ASIC2: variants seen among roughly 807,000 people sequenced by gnomAD.
ASIC2 encodes the protein acid-sensing ion channel 2.
A neutral mutation model predicts 57.3 loss-of-function variants in ASIC2; 25 were observed. The observed-to-expected ratio is 0.44, with a 90% CI of 0.32 to 0.61. ASIC2 has a LOEUF of 0.61. Ranked by LOEUF, ASIC2 falls within the 20% of genes least tolerant of loss-of-function variation. ASIC2 has a pLI of 0.06. For synonymous variants in ASIC2, 319 were observed against 307.5 expected (o/e 1.04, Z -0.39); for missense variants, 641 against 738.1 (o/e 0.87, Z 1.52).
chr17:33,326,768 C>T (rs1018900310), intron 1 of ASIC2, among the ~76,000 whole-genome samples: 1 of 152,212 alleles, frequency 6.6e-6, no homozygotes, highest in African/African-American at 2.4e-5. Context: ...TGTCTCACTG[C>T]CTTGTCCCCA....
intron 1 of ASIC2, among the ~76,000 whole-genome samples, chr17:33,489,687 C>T (rs1913690150): frequency 6.6e-6 from 1 of 152,226 alleles, no homozygotes; most frequent in South Asian, 2.1e-4. Flanking sequence ...TTTGCTCTAC[C>T]TGTTCACAAA....
intron 1 of ASIC2, among the ~76,000 whole-genome samples, chr17:33,410,150 C>T (rs1051677410): frequency 8.5e-5 from 13 of 152,072 alleles, no homozygotes; most frequent in East Asian, 7.7e-4. Context: ...AGGCTCTAAT[C>T]GCTGACTCTT....
intron 1 of ASIC2, among the ~76,000 whole-genome samples, chr17:33,132,549 G>A (rs2092351169): frequency 1.3e-5 from 2 of 152,164 alleles, no homozygotes. Context: ...ACCAAGCACA[G>A]AGCACACACA....
At chr17:33,716,474 A>G (rs1023194809) in intron 1 of ASIC2, among the ~76,000 whole-genome samples, 1 of 152,204 alleles carries the variant, frequency 6.6e-6, no homozygotes, top group Non-Finnish European at 1.5e-5. Context: ...CTAGGCACTG[A>G]GAGTTGGGCT....
intron 1 of ASIC2, among the ~76,000 whole-genome samples, chr17:34,026,447 G>A (rs920260433): frequency 1.3e-5 from 2 of 152,170 alleles, no homozygotes; most frequent in African/African-American, 4.8e-5. Flanking sequence ...CTCCCAAACC[G>A]ATGAGTTTCA....
At chr17:34,009,618 T>A (rs1353825602) in intron 1 of ASIC2, among the ~76,000 whole-genome samples, 1 of 152,218 alleles carries the variant, frequency 6.6e-6, no homozygotes, top group African/African-American at 2.4e-5. Flanking sequence ...AGGCTCACAT[T>A]ATATTTCTAT....
rs572938486 is a variant in ASIC2, at chr17:33,747,486, G to T, written c.555+408492C>A. 5.3e-5 allele frequency among the ~76,000 whole-genome samples: 8 copies of T among 152,236 alleles called. No individual in the cohort carries two copies. In the South Asian group the frequency reaches 1.7e-3, roughly 32 times the overall value. ...GATCTGCCTGCCTCGGCCTCTCAAAGTGCTGGGATGGCAGGCGTACTCCAT... is the reference window on the plus strand; with the variant it reads ...GATCTGCCTGCCTCGGCCTCTCAAATTGCTGGGATGGCAGGCGTACTCCAT... On this transcript the variant is annotated intron_variant, in intron 1 of 9. Coordinates refer to the ASIC2 transcript ENST00000359872.
intron 1 of ASIC2, among the ~76,000 whole-genome samples, chr17:33,320,171 A>G (rs1811697021): frequency 6.6e-6 from 1 of 152,208 alleles, no homozygotes; most frequent in African/African-American, 2.4e-5. Flanking sequence ...TAAAATCAGA[A>G]GCTGAACATC....
intron 1 of ASIC2, among the ~76,000 whole-genome samples, chr17:33,764,407 C>G (rs918717335): frequency 2.0e-5 from 3 of 151,662 alleles, no homozygotes; most frequent in Non-Finnish European, 2.9e-5. Context: ...GTGTGTTAGT[C>G]TATATTCTCC....
At chr17:33,717,017 G>T (rs1382943647) in intron 1 of ASIC2, among the ~76,000 whole-genome samples, 3 of 152,196 alleles carry the variant, frequency 2.0e-5, no homozygotes, top group Non-Finnish European at 4.4e-5. Flanking sequence ...TTCTAAAGAA[G>T]ATCTGTGGCT....
At chr17:33,087,296 T>C (rs575018566) in intron 3 of ASIC2, among the ~76,000 whole-genome samples, 16 of 152,294 alleles carry the variant, frequency 1.1e-4, no homozygotes, top group African/African-American at 3.9e-4. Context: ...GGTTGCACCA[T>C]TTGGTTTCTA....
chr17:33,158,083 A>G (rs73277849), intron 1 of ASIC2, among the ~76,000 whole-genome samples: 3,185 of 152,310 alleles, frequency 0.021, 84 homozygotes, highest in African/African-American at 0.064. Context: ...TGAACCCACC[A>G]GCACACCCTG....
At chr17:33,562,670 C>A (rs1916110403) in intron 1 of ASIC2, among the ~76,000 whole-genome samples, 1 of 152,158 alleles carries the variant, frequency 6.6e-6, no homozygotes, top group South Asian at 2.1e-4. Flanking sequence ...CCAGAGCTGG[C>A]ATGTGATAGG....
intron 1 of ASIC2, among the ~76,000 whole-genome samples, chr17:33,568,462 G>T (rs755100100): frequency 6.6e-6 from 1 of 152,002 alleles, no homozygotes; most frequent in Admixed American, 6.6e-5. Flanking sequence ...TGCAACTAAG[G>T]GTCTTAAATA....
At chr17:33,987,492 G>C (rs544512078) in intron 1 of ASIC2, among the ~76,000 whole-genome samples, 7 of 152,282 alleles carry the variant, frequency 4.6e-5, no homozygotes, top group Non-Finnish European at 1.0e-4. Context: ...AAGGCACTTG[G>C]AGACCGTCAT....
intron 1 of ASIC2, among the ~76,000 whole-genome samples, chr17:33,693,697 CCCTATTGCA>C (rs1908441997): frequency 6.6e-6 from 1 of 152,174 alleles, no homozygotes; most frequent in Admixed American, 6.5e-5. Flanking sequence ...CTGTATGTCT[CCCTATTGCA>C]GCTCACTTAG....
chr17:33,385,450 G>A (rs146613373), intron 1 of ASIC2, among the ~76,000 whole-genome samples: 3 of 152,234 alleles, frequency 2.0e-5, no homozygotes, highest in African/African-American at 7.2e-5. Context: ...ACATAAAACC[G>A]TTCCAATTCT....
chr17:33,326,319 G>C (rs1907077681), intron 1 of ASIC2, among the ~76,000 whole-genome samples: 1 of 152,166 alleles, frequency 6.6e-6, no homozygotes, highest in Non-Finnish European at 1.5e-5. Context: ...ATGTGAATAA[G>C]ATTGAAACTC....
At chr17:33,844,007 T>C (rs995221669) in intron 1 of ASIC2, among the ~76,000 whole-genome samples, 1 of 152,166 alleles carries the variant, frequency 6.6e-6, no homozygotes, top group East Asian at 1.9e-4. Context: ...TCTCCAGATA[T>C]AGAGGTGTTC....
Sources: allele counts gnomAD v4.1 joint callset (sites outside exome capture counted in the v4.1 genomes callset), GRCh38; gene constraint gnomAD v4.1.1; transcripts MANE v1.5; gene names NCBI Gene and HGNC (gene_info 2026-07-23, HGNC 2026-07-21).